The following CRISP1 variants were observed in gnomAD, a reference collection of about 807,000 sequenced individuals.
The protein encoded by CRISP1 is cysteine rich secretory protein 1.
CRISP1 carries 44 observed loss-of-function variants against 33.1 expected under a neutral mutation model. The observed-to-expected ratio is 1.33, with a 90% CI of 1.05 to 1.71. The LOEUF is 1.71. Ranked by LOEUF, CRISP1 falls within the 40% of genes most tolerant of loss-of-function variation. The pLI, the probability that CRISP1 is intolerant of heterozygous loss-of-function variation, is 0.00. For synonymous variants in CRISP1, 103 were observed against 98.7 expected, an observed-to-expected ratio of 1.04 and a Z score of -0.26; for missense variants, 390 against 301.2, an observed-to-expected ratio of 1.29 and a Z score of -2.18.
intron 1 of CRISP1, 49 bp downstream of exon 1, chr6:49,866,380 G>A (rs1771798426): frequency 6.6e-6 from 1 of 152,054 alleles, no homozygotes; most frequent in African/African-American, 2.4e-5. Context: ...AGTCACTTAT[G>A]AATCTTATTT....
Position 49,838,538 on chromosome 6 carries a change from A to C in CRISP1, c.534-13T>G. 6.2e-7 allele frequency: 1 copy of C among 1,601,732 alleles called. No individual in the cohort carries two copies. Among genetic ancestry groups the C allele is most frequent in the Non-Finnish European group, 8.5e-7 (1 of 1,171,772 alleles). ...AGGATCATTTCCCCTTGAATAAAAA[A>C]AAGTGATTTCATAAAACCCATCTTT... On this transcript the variant is annotated splice_polypyrimidine_tract_variant and intron_variant, in intron 6 of 7. Transcript: ENST00000335847.
chr6:49,851,722 C>T (rs1771347786), intron 3 of CRISP1, among the ~76,000 whole-genome samples: 1 of 152,122 alleles, frequency 6.6e-6, no homozygotes, highest in South Asian at 2.1e-4. Context: ...GTGTGCTTTA[C>T]TAAGTTCTTC....
At chr6:49,868,162 T>C (rs985402949), upstream of CRISP1, among the ~76,000 whole-genome samples, 4 of 152,134 alleles carry the variant, frequency 2.6e-5, no homozygotes, top group African/African-American at 4.8e-5. Context: ...GCTTCATATA[T>C]GGTTTTAAAA....
At chr6:49,849,545 C>T (rs1052643716) in intron 3 of CRISP1, among the ~76,000 whole-genome samples, 5 of 152,164 alleles carry the variant, frequency 3.3e-5, no homozygotes, top group Admixed American at 2.0e-4. Context: ...TAGACCTTGG[C>T]TGAACCCCTG....
chr6:49,868,506 T>C (rs1771851454), upstream of CRISP1, among the ~76,000 whole-genome samples: 1 of 152,172 alleles, frequency 6.6e-6, no homozygotes, highest in African/African-American at 2.4e-5. Flanking sequence ...TTTAAATCAA[T>C]CATTTACTCA....
chr6:49,859,137 G>T (rs1320044833), intron 1 of CRISP1, among the ~76,000 whole-genome samples: 1 of 151,966 alleles, frequency 6.6e-6, no homozygotes, highest in Non-Finnish European at 1.5e-5. Flanking sequence ...GGCTACCAAA[G>T]AGTTGCCTGG....
intron 5 of CRISP1, among the ~76,000 whole-genome samples, chr6:49,842,229 G>T (rs946776269): frequency 6.6e-6 from 1 of 152,040 alleles, no homozygotes; most frequent in Non-Finnish European, 1.5e-5. Flanking sequence ...TTGTTTGCAG[G>T]TTCTTACTAA....
At chr6:49,871,708 GT>G (rs1561952689) in intron 1 of CRISP1, among the ~76,000 whole-genome samples, 1 of 151,788 alleles carries the variant, frequency 6.6e-6, no homozygotes, top group African/African-American at 2.4e-5. Flanking sequence ...CTTCATCCAT[GT>G]CCCTACAAAG....
chr6:49,861,763 T>C (rs1771660192), intron 1 of CRISP1, among the ~76,000 whole-genome samples: 1 of 152,074 alleles, frequency 6.6e-6, no homozygotes, highest in Non-Finnish European at 1.5e-5. Flanking sequence ...CACGCACCTA[T>C]AGTCCTAGCT....
chr6:49,842,332 G>T (rs12200699), intron 5 of CRISP1, among the ~76,000 whole-genome samples: 14,742 of 152,162 alleles, frequency 0.097, 1,001 homozygotes, highest in Non-Finnish European at 0.15. Flanking sequence ...TAATAAAAAT[G>T]CAGCTGAACA....
chr6:49,876,294 C>A (rs746584321), intron 1 of CRISP1, among the ~76,000 whole-genome samples: 3 of 152,114 alleles, frequency 2.0e-5, no homozygotes, highest in Non-Finnish European at 4.4e-5. Context: ...AGAAGCTGAA[C>A]ATCACTGATC....
rs922038915 is a variant in CRISP1 at position 49,834,949 on chromosome 6, G to C, written c.*367C>G. The stretch of plus-strand genomic sequence containing the variant: ...TATTACTGGATGTTAGTTGTGCAGG[G>C]AAGATAATCAGAGTGGTTGAAAATA... On this transcript the variant is annotated 3_prime_UTR_variant, in exon 8 of 8. Coordinates refer to ENST00000335847, the MANE Select transcript of CRISP1 (RefSeq NM_001131.3). The C allele has an allele frequency of 6.4e-6, 1 of 157,012 alleles. No individual in the cohort carries two copies. Among genetic ancestry groups the C allele is most frequent in the Non-Finnish European group, 1.3e-5 (1 of 74,332 alleles). 9.7% of individuals were successfully genotyped at this position (157,012 alleles called of 1,614,324 possible).
intron 1 of CRISP1, among the ~76,000 whole-genome samples, chr6:49,861,367 A>G (rs941809634): frequency 7.2e-5 from 11 of 152,154 alleles, no homozygotes; most frequent in African/African-American, 2.7e-4. Flanking sequence ...AACCAAATCC[A>G]ACAGCACATG....
intron 3 of CRISP1, among the ~76,000 whole-genome samples, chr6:49,849,320 C>G (rs1423426877): frequency 6.6e-6 from 1 of 152,166 alleles, no homozygotes; most frequent in Non-Finnish European, 1.5e-5. Flanking sequence ...GGAACTGAGG[C>G]TTTCCTGATC....
rs773693713 is a variant in CRISP1 at position 49,846,507 on chromosome 6, G to A, written c.435+13C>T. 5.0e-6 allele frequency: 8 copies of A among 1,609,398 alleles called. No individual in the cohort carries two copies. The highest frequency in any genetic ancestry group is 5.1e-6 in the Non-Finnish European group (6 of 1,177,578). ...TCTTAAACAATGTGTGTGTTTGCCA[G>A]CACACAGGTTACCTGAGTGTAGTGG... is the stretch of plus-strand genomic sequence containing the variant. On this transcript the variant is annotated intron_variant, in intron 5 of 7. Transcript: ENST00000335847.
At chr6:49,874,664 C>T (rs1771998106) in intron 1 of CRISP1, among the ~76,000 whole-genome samples, 1 of 152,106 alleles carries the variant, frequency 6.6e-6, no homozygotes, top group Non-Finnish European at 1.5e-5. Context: ...CAATAAAATA[C>T]TGGCAAACCA....
chr6:49,858,602 C>A (rs557025037), intron 1 of CRISP1, among the ~76,000 whole-genome samples: 1 of 152,172 alleles, frequency 6.6e-6, no homozygotes, highest in East Asian at 1.9e-4. Flanking sequence ...ACAATCTCAC[C>A]TTTATCACTC....
At chr6:49,846,724 A>G in intron 4 of CRISP1, 56 bp from the exon 5 acceptor site, 3 of 1,529,266 alleles carry the variant, frequency 2.0e-6, no homozygotes, top group South Asian at 2.4e-5. Context: ...ATAGTATACA[A>G]GGAGACTTTC....
rs763663914 is a variant in CRISP1, at chr6:49,852,034, T to G, written c.162A>C (p.Arg54Ser). 5 of 1,612,088 alleles carry G rather than the reference T, an allele frequency of 3.1e-6. No individual in the cohort carries two copies. The Admixed American group carries it at 8.4e-5, about 27-fold the overall frequency. The change falls in exon 3 of 8, where the codon AGA becomes AGC. Residue 54 changes from arginine (R) to serine (S), a missense_variant. Physicochemically the swap from Arg to Ser is moderately radical, Grantham distance 110 (BLOSUM62 -1). Coordinates refer to ENST00000335847, the MANE Select transcript of CRISP1 (RefSeq NM_001131.3). The stretch of plus-strand genomic sequence containing the variant: ...GCATGTTGCTGGCTGGTGGAACTAC[T>G]CTTCTCCTGAGGGCGTTGTGTATAT... Reference protein sequence around the residue: ...IVNIHNALRRRVVPPASNMLK... With the variant: ...IVNIHNALRRSVVPPASNMLK...
Sources: allele counts gnomAD v4.1 joint callset (sites outside exome capture counted in the v4.1 genomes callset), GRCh38; gene constraint gnomAD v4.1.1; transcripts MANE v1.5; gene names NCBI Gene and HGNC (gene_info 2026-07-23, HGNC 2026-07-21).